ABHD2: variants seen among roughly 807,000 people sequenced by gnomAD.
ABHD2 encodes abhydrolase domain containing 2, acylglycerol lipase.
A neutral mutation model predicts 48.1 loss-of-function variants in ABHD2; 20 were observed. That is an observed-to-expected ratio of 0.42 (90% CI 0.29 to 0.60). The LOEUF (loss-of-function observed/expected upper bound fraction) is 0.60. Among genes scored for constraint, ABHD2 ranks in the 20% least tolerant of loss-of-function variants. ABHD2 has a pLI of 0.24. For synonymous variants in ABHD2, 209 were observed against 214.2 expected (o/e 0.98, Z 0.21); for missense variants, 405 against 550.9 (o/e 0.74, Z 2.65).
intron 1 of ABHD2, among the ~76,000 whole-genome samples, chr15:89,112,335 T>TA (rs1188460432): frequency 1.3e-5 from 2 of 152,238 alleles, no homozygotes; most frequent in Non-Finnish European, 2.9e-5. Context: ...TAATTTTTTT[T>TA]AAATGCCAGC....
At chr15:89,118,638 G>T (rs1298590082) in intron 3 of ABHD2, among the ~76,000 whole-genome samples, 1 of 152,080 alleles carries the variant, frequency 6.6e-6, no homozygotes, top group Non-Finnish European at 1.5e-5. Context: ...GCAAGTTTCT[G>T]TGCAGATGAG....
At chr15:89,148,073 C>G (rs1337038217) in intron 3 of ABHD2, among the ~76,000 whole-genome samples, 3 of 137,966 alleles carry the variant, frequency 2.2e-5, no homozygotes, top group African/African-American at 8.2e-5. Context: ...GAGCCGAGAT[C>G]GCTCCACTGC....
rs577836828 is a variant in ABHD2, at chr15:89,172,259, A to G, written c.539-3553A>G. On this transcript the variant is annotated intron_variant, in intron 5 of 10. Transcript: ENST00000352732. ...TCTCCAGAATTTTTTCATCTTGCAA[A>G]ACTAAAACTATACCCATTAAACAAC... 4.6e-5 allele frequency among the ~76,000 whole-genome samples: 7 copies of G among 152,242 alleles called. No individual in the cohort carries two copies. The East Asian group carries it at 1.4e-3, about 29-fold the overall frequency.
At chr15:89,181,244 A>C (rs2051108471) in intron 6 of ABHD2, among the ~76,000 whole-genome samples, 1 of 151,590 alleles carries the variant, frequency 6.6e-6, no homozygotes, top group African/African-American at 2.4e-5. Flanking sequence ...AAAAAAAAAA[A>C]AAAAAACAAG....
chr15:89,054,596 G>A, the ABHD2 span, among the ~76,000 whole-genome samples: 3 of 151,796 alleles, frequency 2.0e-5, no homozygotes, highest in Non-Finnish European at 2.9e-5. Context: ...CAGGAGAATC[G>A]TTTGAACCCA....
rs532574619 is a variant in ABHD2, at chr15:89,176,617, C to G, written c.722+622C>G. 1.3e-5 allele frequency among the ~76,000 whole-genome samples: 2 copies of G among 152,282 alleles called. No homozygotes were observed. Among genetic ancestry groups the G allele is most frequent in the Admixed American group, 1.3e-4 (2 of 15,292 alleles). On this transcript the variant is annotated intron_variant, in intron 6 of 10. Coordinates refer to ENST00000352732, the MANE Select transcript of ABHD2 (RefSeq NM_152924.5). This position sits in a 1 kb window ranked among gnomAD's most constrained non-coding sequence, Gnocchi z 4.5. ...GGCGTGGTCATCTGCCCCGATTCCC[C>G]TGAAGATCACTGCTGTCCCAGGTCT...
At chr15:89,125,298 T>C (rs1226090086) in intron 3 of ABHD2, among the ~76,000 whole-genome samples, 3 of 152,116 alleles carry the variant, frequency 2.0e-5, no homozygotes, top group Non-Finnish European at 2.9e-5. Flanking sequence ...TGGATATTTC[T>C]GGTAAACTAT....
chr15:89,154,213 A>C (rs1241518543), intron 4 of ABHD2, among the ~76,000 whole-genome samples: 1 of 152,210 alleles, frequency 6.6e-6, no homozygotes, highest in Non-Finnish European at 1.5e-5. Context: ...CAGCCTCGCA[A>C]ATGGTTGGAA....
At chr15:89,045,341 C>A in the ABHD2 span, among the ~76,000 whole-genome samples, 2 of 151,840 alleles carry the variant, frequency 1.3e-5, no homozygotes, top group Non-Finnish European at 2.9e-5. Context: ...GGTAGTGTGA[C>A]GCCTCCAGCT....
Position 89,116,570 on chromosome 15 carries a change from C to T in ABHD2, c.194+49C>T, listed in dbSNP as rs757520766. The T allele has an allele frequency of 3.2e-6, 5 of 1,562,672 alleles. No homozygotes were observed. The highest frequency in any genetic ancestry group is 4.3e-6 in the Non-Finnish European group (5 of 1,150,802). On this transcript the variant is annotated intron_variant, in intron 3 of 10. Coordinates refer to ENST00000352732, the MANE Select transcript of ABHD2 (RefSeq NM_152924.5). This position sits in a 1 kb window ranked among gnomAD's most constrained non-coding sequence, Gnocchi z 4.6. The stretch of plus-strand genomic sequence containing the variant: ...TATGCTCAGCTGCTGATGTATTTGG[C>T]TTTGTGTGATGTTCAAAGAAGAAAC...
rs1046800512 is a variant in ABHD2 at position 89,146,699 on chromosome 15, A to G, written c.195-4978A>G. On this transcript the variant is annotated intron_variant, in intron 3 of 10. Transcript: ENST00000352732. This position sits in a 1 kb window ranked among gnomAD's most constrained non-coding sequence, Gnocchi z 4.2. Reference sequence around the variant, plus strand: ...GATGCTTCAACTCAAGAATAGCTTTAAAAAATACAGACAGAAAGACATGCA... The same window carrying G: ...GATGCTTCAACTCAAGAATAGCTTTGAAAAATACAGACAGAAAGACATGCA... Among the ~76,000 whole-genome samples the G allele has an allele frequency of 1.3e-5, 2 of 152,214 alleles. No individual in the cohort carries two copies. The highest frequency in any genetic ancestry group is 4.8e-5 in the African/African-American group (2 of 41,454).
chr15:89,081,856 A>T, the ABHD2 span, among the ~76,000 whole-genome samples: 1 of 152,246 alleles, frequency 6.6e-6, no homozygotes, highest in Non-Finnish European at 1.5e-5. Flanking sequence ...GTCTCAAAAA[A>T]TTAATAAATA....
intron 5 of ABHD2, among the ~76,000 whole-genome samples, chr15:89,157,787 G>A (rs1021297686): frequency 2.6e-5 from 4 of 151,970 alleles, no homozygotes; most frequent in Admixed American, 2.0e-4. Flanking sequence ...AGCTTGCAGT[G>A]AGCTGAGATC....
Position 89,176,065 on chromosome 15 carries a change from C to T in ABHD2, c.722+70C>T, listed in dbSNP as rs1183614718. ...TTTATAGAGATGCCCCGACGCACAA[C>T]ACACTGTTCTGTGAAGACCGGGGAA... On this transcript the variant is annotated intron_variant, in intron 6 of 10. Coordinates refer to ENST00000352732, the MANE Select transcript of ABHD2 (RefSeq NM_152924.5). The surrounding 1 kb of genome is among the most constrained non-coding windows in gnomAD (Gnocchi z 4.5). 6.2e-6 allele frequency: 9 copies of T among 1,453,266 alleles called. No homozygotes were observed. The highest frequency in any genetic ancestry group is 8.4e-6 in the Non-Finnish European group (9 of 1,074,580). 90.0% of individuals were successfully genotyped at this position (1,453,266 alleles called of 1,614,324 possible).
chr15:89,075,615 G>A, the ABHD2 span, among the ~76,000 whole-genome samples: 1 of 152,190 alleles, frequency 6.6e-6, no homozygotes, highest in Non-Finnish European at 1.5e-5. This position sits in a 1 kb window ranked among gnomAD's most constrained non-coding sequence, Gnocchi z 4.1. Flanking sequence ...GGAAGAGTTT[G>A]AATGTTATCA....
intron 5 of ABHD2, among the ~76,000 whole-genome samples, chr15:89,171,586 T>C (rs1191688683): frequency 6.6e-6 from 1 of 152,232 alleles, no homozygotes; most frequent in Non-Finnish European, 1.5e-5. Context: ...AACGGCGATG[T>C]GCTACCTGTG....
intron 1 of ABHD2, among the ~76,000 whole-genome samples, chr15:89,101,548 G>A (rs1379292501): frequency 6.6e-6 from 1 of 152,198 alleles, no homozygotes; most frequent in East Asian, 1.9e-4. Flanking sequence ...AATATTTACA[G>A]TGTCCACTAT....
the ABHD2 span, among the ~76,000 whole-genome samples, chr15:89,061,310 CG>C: frequency 0.42 from 64,190 of 151,474 alleles, 15,785 homozygotes; most frequent in Non-Finnish European, 0.56. Context: ...CCCAGCTACT[CG>C]GGAGGCTGAG....
intron 10 of ABHD2, among the ~76,000 whole-genome samples, chr15:89,194,275 G>A (rs1363293950): frequency 6.6e-6 from 1 of 151,994 alleles, no homozygotes; most frequent in Non-Finnish European, 1.5e-5. Context: ...GAGGTAGGCA[G>A]ATCACTTGAG....
Sources: gnomAD v4.1 joint callset for allele counts (sites outside exome capture counted in the v4.1 genomes callset) on GRCh38, gnomAD v4.1.1 for gene constraint, Gnocchi (gnomAD v3.1) non-coding constraint, MANE v1.5 for transcripts, NCBI Gene and HGNC (gene_info 2026-07-23, HGNC 2026-07-21) for gene names.